MRPS31: variants seen among roughly 807,000 people sequenced by gnomAD.
MRPS31 encodes the protein mitochondrial ribosomal protein S31, also known as small ribosomal subunit protein mS31.
A neutral mutation model predicts 43.1 loss-of-function variants in MRPS31; 32 were observed. The observed-to-expected ratio is 0.74, with a 90% CI of 0.56 to 1.00. The LOEUF is 1.00. MRPS31 is among the 50% of genes least tolerant of loss of function. MRPS31 has a pLI of 0.00. For synonymous variants in MRPS31, 165 were observed against 161.6 expected, an observed-to-expected ratio of 1.02 and a Z score of -0.16; for missense variants, 437 against 466.7, an observed-to-expected ratio of 0.94 and a Z score of 0.59.
chr13:40,753,468 C>CA (rs1404984259), intron 5 of MRPS31, among the ~76,000 whole-genome samples: 1 of 152,224 alleles, frequency 6.6e-6, no homozygotes, highest in Non-Finnish European at 1.5e-5. Flanking sequence ...TGCAACATTT[C>CA]AAGGGGGAAG....
chr13:40,743,380 T>C (rs923418526), intron 6 of MRPS31, among the ~76,000 whole-genome samples: 11 of 150,670 alleles, frequency 7.3e-5, no homozygotes, highest in Admixed American at 3.3e-4. Context: ...TTAAAGAGCT[T>C]CTGCACAGCA....
intron 2 of MRPS31, among the ~76,000 whole-genome samples, chr13:40,760,862 C>T (rs184355069): frequency 5.7e-4 from 87 of 152,030 alleles, no homozygotes; most frequent in Non-Finnish European, 8.7e-4. Context: ...TATTATGATA[C>T]GTTACCTAAT....
chr13:40,730,064 A>G (rs746561524), intron 6 of MRPS31, among the ~76,000 whole-genome samples: 3 of 152,030 alleles, frequency 2.0e-5, no homozygotes, highest in African/African-American at 4.8e-5. Flanking sequence ...CCAATTTAAC[A>G]ACAGTGACTT....
chr13:40,733,960 A>C (rs1371087371), intron 6 of MRPS31, among the ~76,000 whole-genome samples: 4 of 9,042 alleles, frequency 4.4e-4, no homozygotes, highest in Admixed American at 2.1e-3. Context: ...ACTCTGACTC[A>C]AAAAAAAAAA....
chr13:40,736,303 G>C (rs924984437), intron 6 of MRPS31, among the ~76,000 whole-genome samples: 2 of 152,140 alleles, frequency 1.3e-5, no homozygotes, highest in Non-Finnish European at 2.9e-5. Context: ...ATCTACGTCT[G>C]ATTGGTGTAC....
intron 2 of MRPS31, among the ~76,000 whole-genome samples, chr13:40,759,394 C>T (rs1310697132): frequency 6.6e-5 from 10 of 152,066 alleles, no homozygotes; most frequent in Middle Eastern, 3.4e-3. Context: ...ACCAAGATCA[C>T]GCCACTGCAC....
At position 40,759,048 on chromosome 13, in the gene MRPS31, G is replaced by T; in HGVS notation, c.499C>A (p.Pro167Thr). ...GACTTGGTTGTTTGCTTATCAAAAG[G>T]GAGAGAATCTGCCACAGCAGATGCA... ...AAASAVADSL[P>T]FDKQTTKSEL... Residue 167 changes from proline (P) to threonine (T), a missense_variant, in exon 3 of 7, where the codon CCT (proline) becomes ACT (threonine). Pro to Thr is a conservative substitution (Grantham distance 38, BLOSUM62 -1). Coordinates refer to ENST00000323563, the MANE Select transcript of MRPS31 (RefSeq NM_005830.4). 1 of 1,608,504 alleles carries T rather than the reference G, an allele frequency of 6.2e-7. No individual in the cohort carries two copies. The highest frequency in any genetic ancestry group is 8.5e-7 in the Non-Finnish European group (1 of 1,177,742).
chr13:40,757,736 G>A lies in MRPS31; in HGVS notation c.600-723C>T, dbSNP rs558810771. Among the ~76,000 whole-genome samples, 453 of 146,624 alleles carry A rather than the reference G, an allele frequency of 3.1e-3. 5 individuals carry two copies. The highest frequency in any genetic ancestry group is 0.011 in the African/African-American group (428 of 40,040). On this transcript the variant is annotated intron_variant, in intron 3 of 6. Transcript: ENST00000323563. ...TGGGATTACAGGCGTGAGCCAGTGCGCCTGGCTTTTTTTTTTTTTTTTTAA... is the reference window on the plus strand; with the variant it reads ...TGGGATTACAGGCGTGAGCCAGTGCACCTGGCTTTTTTTTTTTTTTTTTAA...
intron 2 of MRPS31, among the ~76,000 whole-genome samples, chr13:40,763,845 G>A (rs991135386): frequency 3.3e-5 from 5 of 152,136 alleles, no homozygotes; most frequent in South Asian, 2.1e-4. Flanking sequence ...ATTTGTCTGC[G>A]GAACCCAGCT....
In MRPS31 at chr13:40,753,626, C is replaced by T. The variant is rs139002630; in HGVS notation, c.814+393G>A. On this transcript the variant is annotated intron_variant, in intron 5 of 6. Transcript: ENST00000323563. ...GAGCAGGTGTCCCTGAGAACCCAAA[C>T]ATCCCAGGGCATACCTGGGAACATA... Among the ~76,000 whole-genome samples, 521 of 152,312 alleles carry T rather than the reference C, an allele frequency of 3.4e-3. 3 individuals carry two copies. Among genetic ancestry groups the T allele is most frequent in the South Asian group, 0.023 (111 of 4,828 alleles).
chr13:40,765,146 G>A (rs938922100), intron 2 of MRPS31, among the ~76,000 whole-genome samples: 1 of 152,168 alleles, frequency 6.6e-6, no homozygotes, highest in South Asian at 2.1e-4. Context: ...CCAGTCTTTT[G>A]ATGTGGGACC....
chr13:40,736,115 C>T (rs1204165256), intron 6 of MRPS31, among the ~76,000 whole-genome samples: 6 of 147,610 alleles, frequency 4.1e-5, no homozygotes, highest in Non-Finnish European at 6.0e-5. Flanking sequence ...AACCAAGGCT[C>T]GAGAACTACG....
At chr13:40,741,888 T>TACACACACACACACACAC (rs61011673) in intron 6 of MRPS31, among the ~76,000 whole-genome samples, 13 of 140,758 alleles carry the variant, frequency 9.2e-5, no homozygotes, top group African/African-American at 3.6e-4. Flanking sequence ...AGTAACAAAA[T>TACACACACACACACACAC]ACACACACAC....
At chr13:40,762,040 A>G (rs1880711818) in intron 2 of MRPS31, among the ~76,000 whole-genome samples, 1 of 151,974 alleles carries the variant, frequency 6.6e-6, no homozygotes, top group Non-Finnish European at 1.5e-5. Context: ...CCAGGAGTTC[A>G]TGACCAGCCT....
chr13:40,767,132 A>G, intron 1 of MRPS31, 99 bp from the exon 2 acceptor site: 1 of 978,942 alleles, frequency 1.0e-6, no homozygotes, highest in Admixed American at 3.3e-5. Flanking sequence ...TGTATCTAAG[A>G]TTTTTTTTCA....
chr13:40,771,176 G>T lies in MRPS31; in HGVS notation c.-40C>A. ...ATGAACCAAGAACACAACTGAAATG[G>T]TGCGTCCCGCTGCCAAACACGTCCC... On this transcript the variant is annotated 5_prime_UTR_variant, in exon 1 of 7. Coordinates refer to ENST00000323563, the MANE Select transcript of MRPS31 (RefSeq NM_005830.4). 1 of 1,549,190 alleles carries T rather than the reference G, an allele frequency of 6.5e-7. No homozygotes were observed. Among genetic ancestry groups the T allele is most frequent in the Non-Finnish European group, 8.7e-7 (1 of 1,143,798 alleles).
intron 6 of MRPS31, among the ~76,000 whole-genome samples, chr13:40,732,994 GTTTTTTTTTT>G (rs1159862645): frequency 3.6e-5 from 3 of 84,486 alleles, no homozygotes; most frequent in African/African-American, 1.2e-4. Context: ...AATGCATTTG[GTTTTTTTTTT>G]TTTTTTTTTT....
intron 6 of MRPS31, among the ~76,000 whole-genome samples, chr13:40,732,164 A>G (rs1248243855): frequency 1.3e-5 from 2 of 152,238 alleles, no homozygotes; most frequent in Non-Finnish European, 2.9e-5. Flanking sequence ...TCATTGGAGA[A>G]ACTCAGTAAG....
chr13:40,731,262 A>C (rs1272199816), intron 6 of MRPS31: 1 of 165,036 alleles, frequency 6.1e-6, no homozygotes. Context: ...CAAAAAAAAA[A>C]AAAAAAAAGC....
Sources: gnomAD v4.1 joint callset for allele counts (sites outside exome capture counted in the v4.1 genomes callset) on GRCh38, gnomAD v4.1.1 for gene constraint, MANE v1.5 for transcripts, NCBI Gene and HGNC (gene_info 2026-07-23, HGNC 2026-07-21) for gene names.